LHFPL3: variants seen among roughly 807,000 people sequenced by gnomAD.
LHFPL3 encodes the protein LHFPL tetraspan subfamily member 3 protein.
Under a neutral mutation model 19.3 loss-of-function variants are expected in LHFPL3, and 5 were observed. That is an observed-to-expected ratio of 0.26 (90% CI 0.14 to 0.54). The LOEUF (loss-of-function observed/expected upper bound fraction) is 0.54, where lower values mean the gene tolerates loss of function less well. Among genes scored for constraint, LHFPL3 ranks in the 20% least tolerant of loss-of-function variants. LHFPL3 has a pLI of 0.94. For synonymous variants in LHFPL3, 133 were observed against 126.2 expected (o/e 1.05, Z -0.36); for missense variants, 249 against 307.4 (o/e 0.81, Z 1.42).
chr7:104,620,806 C>G (rs1469464438), intron 1 of LHFPL3, among the ~76,000 whole-genome samples: 1 of 152,188 alleles, frequency 6.6e-6, no homozygotes, highest in Non-Finnish European at 1.5e-5. Context: ...AAATGATGTA[C>G]CCTGATACCT....
rs34557723 is a variant in LHFPL3, at chr7:104,399,432, G to GTT, written c.445+70216_445+70217dup. Among the ~76,000 whole-genome samples, 33 of 148,530 alleles carry GTT rather than the reference G, an allele frequency of 2.2e-4. No homozygotes were observed. Among genetic ancestry groups the GTT allele is most frequent in the Admixed American group, 4.7e-4 (7 of 15,042 alleles). On this transcript the variant is annotated intron_variant, in intron 1 of 2. Transcript: ENST00000424859. This position sits in a 1 kb window ranked among gnomAD's most constrained non-coding sequence, Gnocchi z 4.4. ...ACCTGGAAATGTACTATGTTCTTCT[G>GTT]TTTTTTTTTGTTTTTTAGGTTTTTT...
In LHFPL3 at chr7:104,908,117, T is replaced by G. The variant is rs1238089448; in HGVS notation, c.*1902T>G. Reference sequence around the variant, plus strand: ...AGGTACCTGTCTACTTTATCTACAATAAAAACAAAGGGTATTGGCTTTCTC... The same window carrying G: ...AGGTACCTGTCTACTTTATCTACAAGAAAAACAAAGGGTATTGGCTTTCTC... On this transcript the variant is annotated 3_prime_UTR_variant, in exon 3 of 3. Transcript: ENST00000424859. Among the ~76,000 whole-genome samples the G allele has an allele frequency of 6.6e-6, 1 of 152,176 alleles. No homozygotes were observed. Among genetic ancestry groups the G allele is most frequent in the East Asian group, 1.9e-4 (1 of 5,202 alleles).
intron 1 of LHFPL3, among the ~76,000 whole-genome samples, chr7:104,419,124 T>C (rs1299069785): frequency 1.3e-5 from 2 of 152,226 alleles, no homozygotes; most frequent in Non-Finnish European, 2.9e-5. Context: ...AATTTGGTTG[T>C]AGTTTGGAAC....
intron 1 of LHFPL3, among the ~76,000 whole-genome samples, chr7:104,488,749 A>G (rs1269406520): frequency 1.3e-5 from 2 of 152,238 alleles, no homozygotes; most frequent in Non-Finnish European, 2.9e-5. Flanking sequence ...ATGCAGGGTC[A>G]AGGAATCACA....
intron 1 of LHFPL3, among the ~76,000 whole-genome samples, chr7:104,593,289 G>A (rs1270223757): frequency 6.6e-5 from 10 of 152,168 alleles, no homozygotes; most frequent in South Asian, 2.1e-4. Flanking sequence ...CCCTCATTTC[G>A]TTTTGTACCC....
chr7:104,598,423 C>G (rs947945534), intron 1 of LHFPL3, among the ~76,000 whole-genome samples: 1 of 152,138 alleles, frequency 6.6e-6, no homozygotes, highest in Non-Finnish European at 1.5e-5. Flanking sequence ...GGAGGTGAAA[C>G]ATGGCTTTCC....
rs1284263591 is a variant in LHFPL3 at position 104,399,442 on chromosome 7, G to A, written c.445+70218G>A. Among the ~76,000 whole-genome samples the A allele has an allele frequency of 7.4e-6, 1 of 135,736 alleles. No individual in the cohort carries two copies. The highest frequency in any genetic ancestry group is 7.0e-5 in the Admixed American group (1 of 14,212). 89.0% of individuals were successfully genotyped at this position (135,736 alleles called of 152,430 possible). A position where few individuals can be genotyped will look rare whatever the true frequency, so the allele number is the denominator to read the frequency against. ...GTACTATGTTCTTCTGTTTTTTTTT[G>A]TTTTTTAGGTTTTTTTTGTTTGTTT... On this transcript the variant is annotated intron_variant, in intron 1 of 2. Transcript: ENST00000424859. This position sits in a 1 kb window ranked among gnomAD's most constrained non-coding sequence, Gnocchi z 4.4.
chr7:104,441,825 C>G (rs1018102198), intron 1 of LHFPL3, among the ~76,000 whole-genome samples: 2 of 152,162 alleles, frequency 1.3e-5, no homozygotes, highest in Non-Finnish European at 2.9e-5. Flanking sequence ...CCGCCCACCT[C>G]GGCCTCCCTA....
At chr7:104,606,290 A>G (rs533670187) in intron 1 of LHFPL3, among the ~76,000 whole-genome samples, 1 of 152,360 alleles carries the variant, frequency 6.6e-6, no homozygotes, top group South Asian at 2.1e-4. Context: ...GAGAGCAGCG[A>G]GTAAGATTTG....
At position 104,749,996 on chromosome 7, in the gene LHFPL3, G is replaced by GA. The variant is rs761428724; in HGVS notation, c.682+13086dup. ...TATCCCATCTTGGTCATGATTTTTT[G>GA]ACTCATGGGGCTATATAATGGAGCG... On this transcript the variant is annotated intron_variant, in intron 2 of 2. Transcript: ENST00000424859. Among the ~76,000 whole-genome samples, 298 of 152,056 alleles carry GA rather than the reference G, an allele frequency of 2.0e-3. 1 individual carries two copies. The highest frequency in any genetic ancestry group is 2.1e-3 in the Non-Finnish European group (145 of 67,982).
At chr7:104,649,440 G>A (rs1791989868) in intron 1 of LHFPL3, among the ~76,000 whole-genome samples, 1 of 152,136 alleles carries the variant, frequency 6.6e-6, no homozygotes, top group South Asian at 2.1e-4. Context: ...TAAAGGTATG[G>A]TATGTACAAG....
At chr7:104,890,334 C>T (rs1190494151) in intron 2 of LHFPL3, among the ~76,000 whole-genome samples, 1 of 152,180 alleles carries the variant, frequency 6.6e-6, no homozygotes, top group Non-Finnish European at 1.5e-5. Flanking sequence ...TTCTCCTGCT[C>T]TATACCTGCA....
chr7:104,905,848 C>T, intron 2 of LHFPL3, among the ~76,000 whole-genome samples: 1 of 152,174 alleles, frequency 6.6e-6, no homozygotes, highest in East Asian at 1.9e-4. Context: ...AAAAGGAAAA[C>T]ACTCAAGTGA....
rs1194117127 is a variant in LHFPL3 at position 104,400,320 on chromosome 7, C to G, written c.445+71096C>G. 2.6e-5 allele frequency among the ~76,000 whole-genome samples: 4 copies of G among 151,902 alleles called. No individual in the cohort carries two copies. In the East Asian group the frequency reaches 7.7e-4, roughly 29 times the overall value. On this transcript the variant is annotated intron_variant, in intron 1 of 2. Coordinates refer to ENST00000424859, the MANE Select transcript of LHFPL3 (RefSeq NM_199000.3). ...GCTAATTAACTATTGTTGGAAAGAA[C>G]AGTTTGGCATAAATTATACTGCAAC...
chr7:104,488,635 G>C (rs1306658450), intron 1 of LHFPL3, among the ~76,000 whole-genome samples: 1 of 152,106 alleles, frequency 6.6e-6, no homozygotes, highest in East Asian at 1.9e-4. Flanking sequence ...TTTGGTCAAG[G>C]GATAAGAGTA....
At chr7:104,467,370 G>A (rs141327382) in intron 1 of LHFPL3, among the ~76,000 whole-genome samples, 7 of 152,238 alleles carry the variant, frequency 4.6e-5, no homozygotes, top group South Asian at 2.1e-4. Flanking sequence ...GGGTCTACTC[G>A]AGTGTCAGTT....
chr7:104,493,464 C>A (rs1286067871), intron 1 of LHFPL3, among the ~76,000 whole-genome samples: 1 of 151,914 alleles, frequency 6.6e-6, no homozygotes, highest in African/African-American at 2.4e-5. Flanking sequence ...TCCTTTACAG[C>A]GCATGTATCT....
rs1223141095 is a variant in LHFPL3, at chr7:104,416,261, G to A, written c.445+87037G>A. Among the ~76,000 whole-genome samples, 5 of 152,138 alleles carry A rather than the reference G, an allele frequency of 3.3e-5. No individual in the cohort carries two copies. In the East Asian group the frequency reaches 9.6e-4, roughly 29 times the overall value. ...TGGTAAAGATCATAAGCTAGAAGAG[G>A]CAAGGAATGATTCTCCCCTACAAGG... On this transcript the variant is annotated intron_variant, in intron 1 of 2. Coordinates refer to ENST00000424859, the MANE Select transcript of LHFPL3 (RefSeq NM_199000.3).
At chr7:104,481,849 AGAAGTAGGTGACT>A (rs1482261230) in intron 1 of LHFPL3, among the ~76,000 whole-genome samples, 1 of 152,232 alleles carries the variant, frequency 6.6e-6, no homozygotes, top group Non-Finnish European at 1.5e-5. Flanking sequence ...CATAGGCTCA[AGAAGTAGGTGACT>A]GAAGTAGGTG....
Sources: allele counts gnomAD v4.1 joint callset (sites outside exome capture counted in the v4.1 genomes callset), GRCh38; gene constraint gnomAD v4.1.1; non-coding constraint Gnocchi (gnomAD v3.1); transcripts MANE v1.5; gene names NCBI Gene and HGNC (gene_info 2026-07-23, HGNC 2026-07-21).